Variants in MCF2L observed in about 807,000 individuals in gnomAD.
The protein encoded by MCF2L is MCF.2 cell line derived transforming sequence like, also known as guanine nucleotide exchange factor DBS.
In MCF2L, 97 loss-of-function variants were observed where a neutral mutation model predicts 153.4. The observed-to-expected ratio is 0.63, with a 90% CI of 0.54 to 0.75. The LOEUF (loss-of-function observed/expected upper bound fraction) is 0.75. Ranked by LOEUF, MCF2L falls within the 30% of genes least tolerant of loss-of-function variation. MCF2L has a pLI of 0.00. For missense variants in MCF2L, 1,347 were observed against 1,495.2 expected (o/e 0.90, Z 1.64); for synonymous variants, 659 against 632.2 (o/e 1.04, Z -0.64).
chr13:113,058,258 GA>G (rs2030621667), intron 4 of MCF2L, among the ~76,000 whole-genome samples: 1 of 151,176 alleles, frequency 6.6e-6, no homozygotes, highest in Admixed American at 6.6e-5. Context: ...TGTGGGCGCT[GA>G]GTGGGCATTG....
intron 1 of MCF2L, chr13:112,979,582 C>G (rs1009545458): frequency 1.1e-5 from 18 of 1,590,614 alleles, no homozygotes; most frequent in Admixed American, 1.1e-4. Flanking sequence ...GGCTGTGGCT[C>G]TAGCATCAGG....
At chr13:112,898,099 T>G (rs1466206456) in intron 1 of MCF2L, among the ~76,000 whole-genome samples, 2 of 152,212 alleles carry the variant, frequency 1.3e-5, no homozygotes, top group Non-Finnish European at 2.9e-5. Flanking sequence ...ACGTTATTAT[T>G]AATACTGGCG....
At chr13:112,956,107 C>G (rs911737929) in intron 2 of MCF2L, 4 of 152,354 alleles carry the variant, frequency 2.6e-5, no homozygotes, top group African/African-American at 9.6e-5. Context: ...GGCTGTTCCT[C>G]GAGAGCCGTG....
chr13:113,074,331 C>T lies in MCF2L; in HGVS notation c.997-113C>T. 7.3e-7 allele frequency: 1 copy of T among 1,370,654 alleles called. No individual in the cohort carries two copies. The highest frequency in any genetic ancestry group is 1.0e-6 in the Non-Finnish European group (1 of 980,398). 84.9% of individuals were successfully genotyped at this position (1,370,654 alleles called of 1,614,324 possible). On this transcript the variant is annotated intron_variant, in intron 9 of 29. Transcript: ENST00000535094. The surrounding 1 kb of genome is among the most constrained non-coding windows in gnomAD (Gnocchi z 4.2). Reference sequence around the variant, plus strand: ...ACTGTGGTCCCTGCTTGATTGATGACCACTTGGCCCGACTTTGAATTCTGT... The same window carrying T: ...ACTGTGGTCCCTGCTTGATTGATGATCACTTGGCCCGACTTTGAATTCTGT...
chr13:112,910,378 T>A (rs2140520088), intron 2 of MCF2L: 1 of 152,322 alleles, frequency 6.6e-6, no homozygotes, highest in Admixed American at 6.5e-5. Context: ...TGAACAAAGG[T>A]GATCATCACA....
At chr13:112,896,277 C>CG (rs2081067109) in intron 1 of MCF2L, among the ~76,000 whole-genome samples, 1 of 152,214 alleles carries the variant, frequency 6.6e-6, no homozygotes, top group African/African-American at 2.4e-5. Flanking sequence ...CACCGCCCCC[C>CG]CGAGGCCTCC....
At chr13:112,969,129 C>T, upstream of MCF2L, 1 of 277,168 alleles carries the variant, frequency 3.6e-6, no homozygotes, top group Non-Finnish European at 6.2e-6. The surrounding 1 kb of genome is among the most constrained non-coding windows in gnomAD (Gnocchi z 4.8). Context: ...GGTGGTGACA[C>T]ACCGGGGCGG....
chr13:112,972,765 A>T (rs2140839775), intron 1 of MCF2L, among the ~76,000 whole-genome samples: 2 of 23,944 alleles, frequency 8.4e-5, no homozygotes, highest in Non-Finnish European at 1.8e-4. Context: ...GGATGGAGGG[A>T]GGGAGGGATG....
intron 4 of MCF2L, among the ~76,000 whole-genome samples, chr13:113,049,668 G>A (rs1321980120): frequency 3.3e-5 from 5 of 152,184 alleles, no homozygotes; most frequent in South Asian, 2.1e-4. Flanking sequence ...CCAGCTGCCC[G>A]ACCCCACCAG....
At position 112,942,443 on chromosome 13, in the gene MCF2L, T is replaced by A. The variant is rs1006010752; in HGVS notation, c.169+40072T>A. Among the ~76,000 whole-genome samples the A allele has an allele frequency of 3.7e-4, 57 of 152,132 alleles. 1 individual carries two copies. The highest frequency in any genetic ancestry group is 3.2e-3 in the Middle Eastern group (1 of 316). On this transcript the variant is annotated intron_variant, in intron 2 of 29. Transcript: ENST00000375608. The stretch of plus-strand genomic sequence containing the variant: ...TTGTCTTGTATCCAATAAATATCAG[T>A]GCAGCCTGGCATTCGGGGCCACTAC...
At chr13:112,973,804 G>A (rs1231045301) in intron 1 of MCF2L, among the ~76,000 whole-genome samples, 2 of 152,316 alleles carry the variant, frequency 1.3e-5, no homozygotes, top group East Asian at 3.9e-4. Flanking sequence ...AGTGACCACA[G>A]GCAAGGTCTC....
chr13:113,065,223 C>T, intron 7 of MCF2L, 138 bp downstream of exon 7: 1 of 1,041,160 alleles, frequency 9.6e-7, no homozygotes. Flanking sequence ...ACCAAGAAGT[C>T]AGCAGGCTTG....
intron 27 of MCF2L, chr13:113,095,217 G>A (rs1260428865): frequency 2.5e-6 from 3 of 1,223,844 alleles, no homozygotes; most frequent in Non-Finnish European, 3.1e-6. Context: ...GTTACACCAA[G>A]AAGTGTCTGC....
At chr13:113,026,995 C>T (rs1406251940) in intron 3 of MCF2L, 4 of 778,920 alleles carry the variant, frequency 5.1e-6, no homozygotes, top group Admixed American at 3.4e-5. Context: ...CAGCCTCACA[C>T]CAGACAGTGT....
At chr13:113,076,907 C>G in intron 12 of MCF2L, 145 bp from the exon 13 acceptor site, 1 of 931,692 alleles carries the variant, frequency 1.1e-6, no homozygotes, top group Non-Finnish European at 1.6e-6. Context: ...CAGGGCTGGA[C>G]ACAGCTGCGC....
chr13:113,026,833 T>A, intron 3 of MCF2L: 2 of 665,456 alleles, frequency 3.0e-6, no homozygotes, highest in East Asian at 5.3e-5. Context: ...CCCTGTCCTC[T>A]GAAAAGGTAG....
At chr13:113,016,841 C>G (rs957302710) in intron 2 of MCF2L, among the ~76,000 whole-genome samples, 3 of 152,220 alleles carry the variant, frequency 2.0e-5, no homozygotes, top group Non-Finnish European at 4.4e-5. Context: ...GCTCCGCCCC[C>G]TTCGTTACAC....
chr13:113,075,134 C>T lies in MCF2L; in HGVS notation c.1253C>T (p.Ala418Val). 6.2e-7 allele frequency: 1 copy of T among 1,612,902 alleles called. No individual in the cohort carries two copies. Among genetic ancestry groups the T allele is most frequent in the Non-Finnish European group, 8.5e-7 (1 of 1,179,744 alleles). Residue 418 changes from alanine to valine, a missense_variant, in exon 11 of 30, where the codon GCA becomes GTA. Coordinates refer to ENST00000535094, the MANE Select transcript of MCF2L (RefSeq NM_001112732.3). The stretch of plus-strand genomic sequence containing the variant: ...TGTGACCAGTTCTCTGCGGAGATCG[C>T]AAGGAGGAGGGGGCTGCTCAGCAAG... ...HLCDQFSAEI[A>V]RRRGLLSKSL...
At position 113,045,638 on chromosome 13, in the gene MCF2L, C is replaced by T. The variant is rs943401750; in HGVS notation, c.369+277C>T. 1.9e-6 allele frequency: 1 copy of T among 515,380 alleles called. No homozygotes were observed. Among genetic ancestry groups the T allele is most frequent in the Non-Finnish European group, 3.5e-6 (1 of 285,406 alleles). The allele number at this position is 515,380 out of a possible 1,614,324, so 31.9% of individuals were successfully genotyped here. A position where few individuals can be genotyped will look rare whatever the true frequency, so the allele number is the denominator to read the frequency against. Reference sequence around the variant, plus strand: ...GCAGAGCAGCCCATATGTTTCCGAACACCAAGTCTGAGATGCTCGGGACTG... The same window carrying T: ...GCAGAGCAGCCCATATGTTTCCGAATACCAAGTCTGAGATGCTCGGGACTG... On this transcript the variant is annotated intron_variant, in intron 4 of 29. Coordinates refer to ENST00000535094, the MANE Select transcript of MCF2L (RefSeq NM_001112732.3). This position sits in a 1 kb window ranked among gnomAD's most constrained non-coding sequence, Gnocchi z 4.2.
Sources: gnomAD v4.1 joint callset for allele counts (sites outside exome capture counted in the v4.1 genomes callset) on GRCh38, gnomAD v4.1.1 for gene constraint, Gnocchi (gnomAD v3.1) non-coding constraint, MANE v1.5 for transcripts, NCBI Gene and HGNC (gene_info 2026-07-23, HGNC 2026-07-21) for gene names.